KLHL29: variants seen among roughly 807,000 people sequenced by gnomAD.
KLHL29 encodes kelch-like protein 29.
In KLHL29, 21 loss-of-function variants were observed where a neutral mutation model predicts 80.4. The observed-to-expected ratio is 0.26, with a 90% CI of 0.19 to 0.38. The LOEUF (loss-of-function observed/expected upper bound fraction) is 0.38, where lower values mean the gene tolerates loss of function less well. Among genes scored for constraint, KLHL29 ranks in the 10% least tolerant of loss-of-function variants. The pLI is 1.00. For synonymous variants in KLHL29, 511 were observed against 526.8 expected (o/e 0.97, Z 0.41); for missense variants, 867 against 1,223.9 (o/e 0.71, Z 4.35).
chr2:23,472,782 G>A (rs930269715), intron 1 of KLHL29, among the ~76,000 whole-genome samples: 1 of 152,194 alleles, frequency 6.6e-6, no homozygotes, highest in African/African-American at 2.4e-5. Flanking sequence ...AGGTTCCTAG[G>A]AGTTAAAGAA....
At chr2:23,414,119 C>G (rs1017078537) in intron 1 of KLHL29, among the ~76,000 whole-genome samples, 1 of 152,226 alleles carries the variant, frequency 6.6e-6, no homozygotes, top group African/African-American at 2.4e-5. Context: ...AATTTCATTT[C>G]AGAAGAAAGA....
At chr2:23,437,681 G>C (rs915025558) in intron 1 of KLHL29, among the ~76,000 whole-genome samples, 1 of 152,136 alleles carries the variant, frequency 6.6e-6, no homozygotes, top group Non-Finnish European at 1.5e-5. Flanking sequence ...CTCTGTTTTG[G>C]TACCAGTACC....
chr2:23,536,810 C>T (rs1405891096), intron 2 of KLHL29, among the ~76,000 whole-genome samples: 1 of 151,824 alleles, frequency 6.6e-6, no homozygotes, highest in East Asian at 1.9e-4. Flanking sequence ...GGTACCATGC[C>T]TATAGTAAAG....
At chr2:23,419,433 G>T (rs375244415) in intron 1 of KLHL29, among the ~76,000 whole-genome samples, 1 of 152,100 alleles carries the variant, frequency 6.6e-6, no homozygotes, top group African/African-American at 2.4e-5. Flanking sequence ...TCTGTGGCCC[G>T]CGCTGTCGGT....
Position 23,536,918 on chromosome 2 carries a change from A to ACACACACACACACTCT in KLHL29, c.-45-25233_-45-25232insACACACACACACTCTC, listed in dbSNP as rs143009876. On this transcript the variant is annotated intron_variant, in intron 2 of 13. Coordinates refer to ENST00000486442, the MANE Select transcript of KLHL29 (RefSeq NM_052920.2). ...CACACACACACACACACACACACACACTCTCTCTCTCCCTCTCTCGCTCTC... is the reference window on the plus strand; with the variant it reads ...CACACACACACACACACACACACACACACACACACACACTCTCTCTCTCTCTCCCTCTCTCGCTCTC... 1.0e-3 allele frequency among the ~76,000 whole-genome samples: 144 copies of ACACACACACACACTCT among 140,732 alleles called. 1 individual carries two copies. Among genetic ancestry groups the ACACACACACACACTCT allele is most frequent in the African/African-American group, 3.5e-3 (129 of 36,996 alleles). The allele number at this position is 140,732 out of a possible 152,430, so 92.3% of individuals were successfully genotyped here. A position where few individuals can be genotyped will look rare whatever the true frequency, so the allele number is the denominator to read the frequency against.
chr2:23,467,135 G>T (rs540157765), intron 1 of KLHL29, among the ~76,000 whole-genome samples: 3 of 152,226 alleles, frequency 2.0e-5, no homozygotes, highest in Admixed American at 6.5e-5. Flanking sequence ...ACATCAATTC[G>T]TGCCAGGCTG....
At position 23,669,124 on chromosome 2, in the gene KLHL29, A is replaced by C. The variant is rs1361037067; in HGVS notation, c.941-15275A>C. 6.6e-6 allele frequency: 1 copy of C among 151,218 alleles called. No individual in the cohort carries two copies. The highest frequency in any genetic ancestry group is 2.4e-5 in the African/African-American group (1 of 41,086). 9.4% of individuals were successfully genotyped at this position (151,218 alleles called of 1,614,324 possible). A position where few individuals can be genotyped will look rare whatever the true frequency, so the allele number is the denominator to read the frequency against. On this transcript the variant is annotated intron_variant, in intron 5 of 13. Coordinates refer to ENST00000486442, the MANE Select transcript of KLHL29 (RefSeq NM_052920.2). This position sits in a 1 kb window ranked among gnomAD's most constrained non-coding sequence, Gnocchi z 4.3. ...AGCTGATGACGACCCCCACGCGGCC[A>C]GGCTTCAGCATCTCAGTGCCCCCAG... is the stretch of plus-strand genomic sequence containing the variant.
chr2:23,427,801 CAT>C (rs1663046773), intron 1 of KLHL29, among the ~76,000 whole-genome samples: 1 of 152,106 alleles, frequency 6.6e-6, no homozygotes, highest in African/African-American at 2.4e-5. Flanking sequence ...AGTTTTGTGA[CAT>C]ATTTTTAAAC....
intron 2 of KLHL29, among the ~76,000 whole-genome samples, chr2:23,542,045 A>G (rs780084803): frequency 3.3e-5 from 5 of 152,218 alleles, no homozygotes; most frequent in Non-Finnish European, 5.9e-5. Flanking sequence ...CATTGTCGTC[A>G]TACTGATGGC....
At chr2:23,597,381 GTGTATATATATATA>G (rs1377243681) in intron 3 of KLHL29, among the ~76,000 whole-genome samples, 2 of 58,894 alleles carry the variant, frequency 3.4e-5, no homozygotes, top group African/African-American at 1.5e-4. Flanking sequence ...ATGTGTGTGT[GTGTATATATATATA>G]TATATATATA....
chr2:23,642,770 C>G lies in KLHL29; in HGVS notation c.860C>G (p.Thr287Ser). The change falls in exon 5 of 14, where the codon ACC becomes AGC. Residue 287 changes from threonine to serine, a missense_variant. Thr to Ser is a moderately conservative substitution (Grantham distance 58). Coordinates refer to ENST00000486442, the MANE Select transcript of KLHL29 (RefSeq NM_052920.2). ...GAPATNGPPT[T>S]DSAHGLQMLR... ...CCTGCCACCAATGGGCCCCCCACAA[C>G]CGACTCGGCCCACGGGCTGCAGATG... 1 of 1,550,428 alleles carries G rather than the reference C, an allele frequency of 6.4e-7. No homozygotes were observed. The highest frequency in any genetic ancestry group is 8.7e-7 in the Non-Finnish European group (1 of 1,146,888).
intron 2 of KLHL29, among the ~76,000 whole-genome samples, chr2:23,530,253 A>G (rs1485588644): frequency 6.6e-6 from 1 of 152,128 alleles, no homozygotes; most frequent in Non-Finnish European, 1.5e-5. Flanking sequence ...TGGCCTTGCC[A>G]TTGAAGAGGA....
intron 1 of KLHL29, among the ~76,000 whole-genome samples, chr2:23,425,942 A>G (rs1166815058): frequency 1.3e-5 from 2 of 152,330 alleles, no homozygotes; most frequent in East Asian, 1.9e-4. Context: ...GGCCAAGAGC[A>G]TGCTGTGTAT....
At chr2:23,411,523 T>C (rs914496521) in intron 1 of KLHL29, among the ~76,000 whole-genome samples, 2 of 151,624 alleles carry the variant, frequency 1.3e-5, no homozygotes, top group African/African-American at 4.8e-5. Context: ...AACATCCAAA[T>C]AAGGCAGGAC....
chr2:23,471,061 T>C (rs1359144458), intron 1 of KLHL29, among the ~76,000 whole-genome samples: 2 of 152,184 alleles, frequency 1.3e-5, no homozygotes, highest in Admixed American at 1.3e-4. Flanking sequence ...CAGAGTCCCA[T>C]ATCTGGGCTG....
intron 1 of KLHL29, among the ~76,000 whole-genome samples, chr2:23,414,598 G>T (rs1001230366): frequency 6.6e-6 from 1 of 152,110 alleles, no homozygotes; most frequent in Admixed American, 6.5e-5. Flanking sequence ...AGCTCAATTT[G>T]AGCCTCTTTC....
At chr2:23,520,430 C>G (rs1666056533) in intron 2 of KLHL29, among the ~76,000 whole-genome samples, 1 of 152,188 alleles carries the variant, frequency 6.6e-6, no homozygotes, top group Admixed American at 6.5e-5. Context: ...AAAACAAAGC[C>G]TTCCCAGCCG....
intron 3 of KLHL29, among the ~76,000 whole-genome samples, chr2:23,580,482 T>C (rs1188445242): frequency 1.2e-4 from 10 of 86,880 alleles, no homozygotes; most frequent in African/African-American, 4.0e-4. Context: ...AAGACCATCC[T>C]GGCCAACATG....
Position 23,684,530 on chromosome 2 carries a change from A to C in KLHL29, c.1072A>C (p.Ile358Leu). The C allele has an allele frequency of 6.5e-7, 1 of 1,546,358 alleles. No individual in the cohort carries two copies. The highest frequency in any genetic ancestry group is 8.7e-7 in the Non-Finnish European group (1 of 1,145,554). ...ASCSLYFKDL[I>L]QRSVQDSGQG... ...CTGCAGCTTGTATTTCAAGGACCTG[A>C]TTCAAAGGTTTGCCTTCCTTCCAGC... The change falls in exon 6 of 14, where the codon ATT becomes CTT. Residue 358 changes from isoleucine (I) to leucine (L), a missense_variant. Physicochemically the swap from Ile to Leu is conservative, Grantham distance 5 (BLOSUM62 2). Coordinates refer to ENST00000486442, the MANE Select transcript of KLHL29 (RefSeq NM_052920.2). This position sits in a 1 kb window ranked among gnomAD's most constrained non-coding sequence, Gnocchi z 4.4.
Sources: gnomAD v4.1 joint callset for allele counts (sites outside exome capture counted in the v4.1 genomes callset) on GRCh38, gnomAD v4.1.1 for gene constraint, Gnocchi (gnomAD v3.1) non-coding constraint, MANE v1.5 for transcripts, NCBI Gene and HGNC (gene_info 2026-07-23, HGNC 2026-07-21) for gene names.